Variants in PRKG1 observed in about 807,000 individuals in gnomAD.
PRKG1 encodes cGMP-dependent protein kinase 1.
PRKG1 carries 35 observed loss-of-function variants against 88.1 expected under a neutral mutation model. The observed-to-expected ratio is 0.40, with a 90% CI of 0.30 to 0.53. The LOEUF (loss-of-function observed/expected upper bound fraction) is 0.53. PRKG1 is among the 20% of genes least tolerant of loss of function. PRKG1 has a pLI of 0.59. For synonymous variants in PRKG1, 303 were observed against 292.5 expected (o/e 1.04, Z -0.37); for missense variants, 540 against 839.8 (o/e 0.64, Z 4.41).
rs551895502 is a variant in PRKG1, at chr10:51,083,725, G to T, written c.311+8824G>T. 3.3e-5 allele frequency among the ~76,000 whole-genome samples: 5 copies of T among 152,210 alleles called. No individual in the cohort carries two copies. In the East Asian group the frequency reaches 9.7e-4, roughly 29 times the overall value. On this transcript the variant is annotated intron_variant, in intron 1 of 17. Coordinates refer to ENST00000373980, the MANE Select transcript of PRKG1 (RefSeq NM_006258.4). Reference sequence around the variant, plus strand: ...GACGACACCTGCAATAAAAGATCTTGGTGTGTCCCTCATGAAGACTTCCAG... The same window carrying T: ...GACGACACCTGCAATAAAAGATCTTTGTGTGTCCCTCATGAAGACTTCCAG...
At chr10:51,388,592 T>C (rs1357348267) in intron 2 of PRKG1, among the ~76,000 whole-genome samples, 1 of 152,206 alleles carries the variant, frequency 6.6e-6, no homozygotes, top group East Asian at 1.9e-4. Context: ...TTTTGAAATG[T>C]TCAATGTCAT....
intron 2 of PRKG1, among the ~76,000 whole-genome samples, chr10:51,350,735 A>T (rs1842222645): frequency 6.6e-6 from 1 of 152,224 alleles, no homozygotes; most frequent in Non-Finnish European, 1.5e-5. Flanking sequence ...AAGTTGCAGA[A>T]CAAGAAATCA....
At chr10:51,637,215 A>G (rs893113105) in intron 3 of PRKG1, among the ~76,000 whole-genome samples, 32 of 152,370 alleles carry the variant, frequency 2.1e-4, no homozygotes, top group African/African-American at 7.7e-4. Context: ...AACCACGATG[A>G]GATATCATCT....
At chr10:52,143,603 G>A (rs1837644486) in intron 8 of PRKG1, among the ~76,000 whole-genome samples, 1 of 152,144 alleles carries the variant, frequency 6.6e-6, no homozygotes, top group Non-Finnish European at 1.5e-5. Context: ...TGTAAAGGGA[G>A]AGCTTTAAAA....
chr10:51,486,407 A>G (rs1048522189), intron 3 of PRKG1, among the ~76,000 whole-genome samples: 2 of 152,150 alleles, frequency 1.3e-5, no homozygotes, highest in Non-Finnish European at 2.9e-5. Context: ...TGGTTTCACA[A>G]TTGTATACTT....
chr10:51,397,139 T>G (rs1837599967), intron 2 of PRKG1, among the ~76,000 whole-genome samples: 1 of 151,734 alleles, frequency 6.6e-6, no homozygotes, highest in Non-Finnish European at 1.5e-5. Context: ...TTTTTTTTTT[T>G]TTTTGGTGCC....
intron 4 of PRKG1, among the ~76,000 whole-genome samples, chr10:51,853,141 G>T (rs1354583408): frequency 6.6e-6 from 1 of 152,116 alleles, no homozygotes; most frequent in Non-Finnish European, 1.5e-5. Context: ...CTAGATCAGA[G>T]AAAGAACTAG....
chr10:51,977,305 C>T (rs367747148), intron 5 of PRKG1, among the ~76,000 whole-genome samples: 68 of 152,134 alleles, frequency 4.5e-4, no homozygotes, highest in African/African-American at 1.6e-3. Context: ...TGATCTTATT[C>T]GTTTTTATGT....
intron 8 of PRKG1, among the ~76,000 whole-genome samples, chr10:52,145,084 T>C (rs1050335569): frequency 3.3e-5 from 5 of 152,170 alleles, no homozygotes; most frequent in Non-Finnish European, 5.9e-5. Flanking sequence ...CAGATGTCCA[T>C]TGGCAGTTAG....
chr10:51,675,030 T>G (rs897966357), intron 3 of PRKG1, among the ~76,000 whole-genome samples: 2 of 152,198 alleles, frequency 1.3e-5, no homozygotes, highest in East Asian at 3.9e-4. Context: ...TATCTAAAGA[T>G]GGAACTACTA....
chr10:52,081,005 C>T (rs970203985), intron 7 of PRKG1, among the ~76,000 whole-genome samples: 3 of 152,024 alleles, frequency 2.0e-5, no homozygotes, highest in Non-Finnish European at 4.4e-5. Context: ...CATCATAGCT[C>T]AACTTCTCCC....
intron 3 of PRKG1, among the ~76,000 whole-genome samples, chr10:51,509,615 ATCC>A (rs1284909111): frequency 6.6e-6 from 1 of 152,160 alleles, no homozygotes; most frequent in African/African-American, 2.4e-5. Flanking sequence ...GGCTTAAGCA[ATCC>A]TCCTGCCTCA....
chr10:52,224,224 T>C (rs1285127480), intron 9 of PRKG1, among the ~76,000 whole-genome samples: 1 of 152,060 alleles, frequency 6.6e-6, no homozygotes, highest in Non-Finnish European at 1.5e-5. Context: ...TTCCAGCCAC[T>C]ATAACTGTCT....
intron 2 of PRKG1, among the ~76,000 whole-genome samples, chr10:51,281,936 G>GT (rs1840309996): frequency 6.6e-6 from 1 of 152,142 alleles, no homozygotes; most frequent in Non-Finnish European, 1.5e-5. Context: ...TCAGACTAAT[G>GT]AAATCAGCAT....
chr10:51,814,566 T>A (rs1047802881), intron 4 of PRKG1, among the ~76,000 whole-genome samples: 18 of 152,138 alleles, frequency 1.2e-4, no homozygotes, highest in African/African-American at 4.1e-4. Flanking sequence ...GCTGGTATAG[T>A]TTTAATTTGA....
chr10:51,317,014 T>C (rs1419209399), intron 2 of PRKG1, among the ~76,000 whole-genome samples: 2 of 152,216 alleles, frequency 1.3e-5, no homozygotes, highest in African/African-American at 4.8e-5. Context: ...AAGTAGCTGG[T>C]GATCTCCATG....
chr10:51,932,750 A>T (rs1842720794), intron 5 of PRKG1, among the ~76,000 whole-genome samples: 1 of 152,106 alleles, frequency 6.6e-6, no homozygotes, highest in African/African-American at 2.4e-5. Flanking sequence ...ACCTTTCTGT[A>T]GCTTTACAAT....
chr10:51,105,889 A>C (rs1036063700), intron 1 of PRKG1, among the ~76,000 whole-genome samples: 1 of 152,232 alleles, frequency 6.6e-6, no homozygotes, highest in Non-Finnish European at 1.5e-5. Flanking sequence ...CTGGAAGACA[A>C]ATTAGAGCAA....
In PRKG1 at chr10:52,133,908, A is replaced by G. The variant is rs1409492576; in HGVS notation, c.1001+3A>G. On this transcript the variant is annotated splice_donor_region_variant and intron_variant, in intron 8 of 17. Transcript: ENST00000373980. ...ACCTGCCTTGTGATTGACAGAGAGT[A>G]AGTACATTGTTTTATTATGTGAATT... The G allele has an allele frequency of 3.7e-6, 6 of 1,611,052 alleles. No individual in the cohort carries two copies. Among genetic ancestry groups the G allele is most frequent in the Non-Finnish European group, 5.1e-6 (6 of 1,177,582 alleles).
Sources: allele counts gnomAD v4.1 joint callset (sites outside exome capture counted in the v4.1 genomes callset), GRCh38; gene constraint gnomAD v4.1.1; transcripts MANE v1.5; gene names NCBI Gene and HGNC (gene_info 2026-07-23, HGNC 2026-07-21).